RALGPS1: variants seen among roughly 807,000 people sequenced by gnomAD.
RALGPS1 encodes Ral GEF with PH domain and SH3 binding motif 1.
A neutral mutation model predicts 78.8 loss-of-function variants in RALGPS1; 19 were observed. That is an observed-to-expected ratio of 0.24 (90% CI 0.17 to 0.35). RALGPS1 has a LOEUF of 0.35. Ranked by LOEUF, RALGPS1 falls within the 10% of genes least tolerant of loss-of-function variation. The probability of loss-of-function intolerance (pLI) is 1.00; values close to 1 mark genes in which losing one functional copy is unlikely to be tolerated. For missense variants in RALGPS1, 454 were observed against 688.3 expected, an observed-to-expected ratio of 0.66 and a Z score of 3.81; for synonymous variants, 228 against 256.3, an observed-to-expected ratio of 0.89 and a Z score of 1.06.
chr9:127,099,032 A>G (rs956367550), intron 8 of RALGPS1, among the ~76,000 whole-genome samples: 1 of 152,212 alleles, frequency 6.6e-6, no homozygotes, highest in African/African-American at 2.4e-5. Flanking sequence ...TCCGTGGGCA[A>G]GAGGGATGCC....
chr9:126,963,219 G>A (rs551580742), intron 2 of RALGPS1, among the ~76,000 whole-genome samples: 5 of 152,308 alleles, frequency 3.3e-5, no homozygotes, highest in African/African-American at 1.2e-4. Flanking sequence ...ATACAATGGT[G>A]TGTCACTGGA....
chr9:127,093,994 C>A, intron 8 of RALGPS1: 2 of 1,547,326 alleles, frequency 1.3e-6, no homozygotes, highest in South Asian at 1.2e-5. Context: ...CAGCTGCACC[C>A]CAAGCAGGCA....
chr9:127,038,638 G>C (rs1363186178), intron 5 of RALGPS1, among the ~76,000 whole-genome samples: 1 of 152,214 alleles, frequency 6.6e-6, no homozygotes, highest in Admixed American at 6.5e-5. Context: ...TGCTGGTTCA[G>C]GGGGTCAACA....
At chr9:127,161,706 G>A (rs2059030048) in intron 8 of RALGPS1, among the ~76,000 whole-genome samples, 1 of 152,216 alleles carries the variant, frequency 6.6e-6, no homozygotes, top group Admixed American at 6.5e-5. Context: ...GGCAGGGACA[G>A]CCATAGCCTG....
rs2062279880 is a variant in RALGPS1 at position 127,211,852 on chromosome 9, C to T, written c.1248-279C>T. Among the ~76,000 whole-genome samples the T allele has an allele frequency of 6.6e-6, 1 of 152,154 alleles. No homozygotes were observed. The highest frequency in any genetic ancestry group is 2.4e-5 in the African/African-American group (1 of 41,448). On this transcript the variant is annotated intron_variant, in intron 14 of 18. Transcript: ENST00000259351. This position sits in a 1 kb window ranked among gnomAD's most constrained non-coding sequence, Gnocchi z 5.0. ...GGCTGTAGCCGTGACAAAAGCATCC[C>T]TTAGGGTGGGGGTGCTGATCAGGGC...
chr9:127,150,149 A>G (rs1299502161), intron 8 of RALGPS1, among the ~76,000 whole-genome samples: 2 of 152,178 alleles, frequency 1.3e-5, no homozygotes, highest in East Asian at 1.9e-4. Context: ...ATGAAATTGT[A>G]CAAGTGCTGC....
chr9:126,972,365 A>G (rs1417238367), intron 3 of RALGPS1, among the ~76,000 whole-genome samples: 1 of 152,250 alleles, frequency 6.6e-6, no homozygotes, highest in Non-Finnish European at 1.5e-5. Context: ...ACTTTTGAAC[A>G]AACTACACTG....
intron 8 of RALGPS1, among the ~76,000 whole-genome samples, chr9:127,124,456 T>C (rs1335221067): frequency 6.6e-6 from 1 of 152,188 alleles, no homozygotes; most frequent in African/African-American, 2.4e-5. Context: ...CTGTCAGCTG[T>C]AGAGTCTTCC....
intron 14 of RALGPS1, among the ~76,000 whole-genome samples, chr9:127,208,060 A>T (rs767975254): frequency 5.3e-5 from 8 of 152,140 alleles, no homozygotes; most frequent in Non-Finnish European, 1.2e-4. Context: ...GGCCCCTCTC[A>T]CAGAGCTGGG....
chr9:127,134,606 G>C (rs375275357), intron 8 of RALGPS1, among the ~76,000 whole-genome samples: 2 of 152,136 alleles, frequency 1.3e-5, no homozygotes, highest in African/African-American at 4.8e-5. Flanking sequence ...TGAGGAAACC[G>C]AGCCCTAGAA....
chr9:127,200,560 A>C (rs2061579091), intron 14 of RALGPS1, among the ~76,000 whole-genome samples: 1 of 152,238 alleles, frequency 6.6e-6, no homozygotes, highest in Non-Finnish European at 1.5e-5. Context: ...CATATTGGTC[A>C]GTCAGTCTGT....
chr9:126,966,745 A>G (rs907625896), intron 3 of RALGPS1, among the ~76,000 whole-genome samples: 2 of 152,048 alleles, frequency 1.3e-5, no homozygotes, highest in African/African-American at 4.8e-5. Flanking sequence ...ATTTTCTACA[A>G]TGATAAACAA....
chr9:127,069,721 A>G (rs774818620), intron 8 of RALGPS1: 21 of 161,630 alleles, frequency 1.3e-4, no homozygotes, highest in Non-Finnish European at 2.3e-4. Context: ...GGGCATTATT[A>G]GTATATTTCA....
chr9:127,190,810 A>G (rs1285667678), intron 11 of RALGPS1, among the ~76,000 whole-genome samples: 3 of 152,236 alleles, frequency 2.0e-5, no homozygotes, highest in African/African-American at 7.2e-5. Flanking sequence ...TCCTTTATTC[A>G]GCACTGCTCA....
chr9:127,143,242 A>G (rs954663877), intron 8 of RALGPS1, among the ~76,000 whole-genome samples: 2 of 152,208 alleles, frequency 1.3e-5, no homozygotes, highest in African/African-American at 4.8e-5. Context: ...GCTGAGTCAA[A>G]GGATACCAAT....
intron 6 of RALGPS1, 126 bp from the exon 7 acceptor site, chr9:127,052,721 G>GT: frequency 1.5e-6 from 1 of 661,002 alleles, no homozygotes; most frequent in Non-Finnish European, 2.6e-6. Flanking sequence ...TTAGAACTAT[G>GT]TTTTCCACAT....
intron 4 of RALGPS1, among the ~76,000 whole-genome samples, chr9:127,030,086 G>C (rs538631804): frequency 1.6e-4 from 25 of 152,204 alleles, no homozygotes; most frequent in Admixed American, 1.4e-3. Context: ...TGTTGTTAAC[G>C]TGTTTTTTAT....
intron 11 of RALGPS1, among the ~76,000 whole-genome samples, chr9:127,191,729 ACT>A (rs1446623109): frequency 1.0e-4 from 12 of 120,162 alleles, no homozygotes; most frequent in Non-Finnish European, 3.3e-5. Flanking sequence ...ATGGAGTCTC[ACT>A]CTGTCACCCA....
At position 127,213,060 on chromosome 9, in the gene RALGPS1, G is replaced by C; in HGVS notation, c.1552+11G>C. 2.5e-6 allele frequency: 4 copies of C among 1,614,204 alleles called. No homozygotes were observed. The highest frequency in any genetic ancestry group is 3.4e-6 in the Non-Finnish European group (4 of 1,180,034). ...ACAACCCTGACAAAGGTAGGCAGCA[G>C]GCCAGAGCTGGCGCCTGCAGCTGCT... is the stretch of plus-strand genomic sequence containing the variant. On this transcript the variant is annotated intron_variant, in intron 17 of 18. Coordinates refer to ENST00000259351, the MANE Select transcript of RALGPS1 (RefSeq NM_014636.3).
Sources: allele counts gnomAD v4.1 joint callset (sites outside exome capture counted in the v4.1 genomes callset), GRCh38; gene constraint gnomAD v4.1.1; non-coding constraint Gnocchi (gnomAD v3.1); transcripts MANE v1.5; gene names NCBI Gene and HGNC (gene_info 2026-07-23, HGNC 2026-07-21).